FGF12: variants seen among roughly 807,000 people sequenced by gnomAD.
FGF12 encodes fibroblast growth factor 12, also known as fibroblast growth factor 12B.
In FGF12, 14 loss-of-function variants were observed where a neutral mutation model predicts 23.6. The ratio of observed to expected loss-of-function variants is 0.59; its 90% CI spans 0.39 to 0.93. The LOEUF (loss-of-function observed/expected upper bound fraction) is 0.93, where lower values mean the gene tolerates loss of function less well. Among genes scored for constraint, FGF12 ranks in the 40% least tolerant of loss-of-function variants. The probability of loss-of-function intolerance (pLI) is 0.00; values close to 1 mark genes in which losing one functional copy is unlikely to be tolerated. For missense variants in FGF12, 175 were observed against 217.8 expected, an observed-to-expected ratio of 0.80 and a Z score of 1.24; for synonymous variants, 62 against 77.3, an observed-to-expected ratio of 0.80 and a Z score of 1.04.
intron 2 of FGF12, among the ~76,000 whole-genome samples, chr3:192,374,187 A>T (rs147500207): frequency 1.3e-5 from 2 of 152,342 alleles, no homozygotes; most frequent in African/African-American, 4.8e-5. Context: ...GATGCTTCAA[A>T]ATCTTGCACT....
intron 4 of FGF12, among the ~76,000 whole-genome samples, chr3:192,180,699 T>C (rs897838608): frequency 6.6e-6 from 1 of 152,224 alleles, no homozygotes; most frequent in Non-Finnish European, 1.5e-5. Flanking sequence ...CTTTTAAAAC[T>C]TCTGTATCAA....
chr3:192,612,644 T>C (rs1159161777), intron 2 of FGF12, among the ~76,000 whole-genome samples: 1 of 151,898 alleles, frequency 6.6e-6, no homozygotes, highest in East Asian at 1.9e-4. Flanking sequence ...CTACTTCTGA[T>C]ATAAAAATGA....
chr3:192,359,353 G>A lies in FGF12; in HGVS notation c.124+1075C>T, dbSNP rs1023837017. ...AATAGTTCTTAATAATTTAAAAGAC[G>A]TTTCACTACAAAATATCTAGCTTCC... On this transcript the variant is annotated intron_variant, in intron 3 of 5. Coordinates refer to ENST00000445105, the MANE Select transcript of FGF12 (RefSeq NM_004113.6). Among the ~76,000 whole-genome samples, 9 of 152,126 alleles carry A rather than the reference G, an allele frequency of 5.9e-5. No individual in the cohort carries two copies. In the East Asian group the frequency reaches 7.7e-4, roughly 13 times the overall value.
chr3:192,488,212 A>C (rs1310925458), intron 2 of FGF12, among the ~76,000 whole-genome samples: 1 of 152,154 alleles, frequency 6.6e-6, no homozygotes, highest in East Asian at 1.9e-4. Flanking sequence ...GATAAAAGTA[A>C]CTATTGGTTC....
In FGF12 at chr3:192,514,687, C is replaced by T; in HGVS notation, c.14-154149G>A. The T allele has an allele frequency of 2.0e-6, 2 of 985,388 alleles. No homozygotes were observed. The highest frequency in any genetic ancestry group is 4.7e-5 in the South Asian group (1 of 21,282). The allele number at this position is 985,388 out of a possible 1,614,324, so 61.0% of individuals were successfully genotyped here. ...CTCACCACTTGGGCTGTCGCTGGAC[C>T]TCAGGCTCCTTCCACAGAGACACTG... On this transcript the variant is annotated intron_variant, in intron 2 of 5. Coordinates refer to ENST00000445105, the MANE Select transcript of FGF12 (RefSeq NM_004113.6). The surrounding 1 kb of genome is among the most constrained non-coding windows in gnomAD (Gnocchi z 4.9).
chr3:192,587,248 G>A (rs1188867075), intron 2 of FGF12, among the ~76,000 whole-genome samples: 1 of 151,752 alleles, frequency 6.6e-6, no homozygotes, highest in African/African-American at 2.4e-5. Flanking sequence ...TACTCAAAAC[G>A]GTTACCAGTT....
chr3:192,426,344 C>T (rs181127055), intron 2 of FGF12, among the ~76,000 whole-genome samples: 1 of 152,230 alleles, frequency 6.6e-6, no homozygotes, highest in Admixed American at 6.5e-5. Context: ...CAGCAGAGGG[C>T]TAGGGAGTGA....
At chr3:192,570,592 A>G (rs563000979) in intron 2 of FGF12, among the ~76,000 whole-genome samples, 1 of 152,252 alleles carries the variant, frequency 6.6e-6, no homozygotes, top group East Asian at 1.9e-4. Context: ...TGAAACAGAA[A>G]ACATACCAGA....
At chr3:192,620,171 A>G (rs1292489101) in intron 2 of FGF12, among the ~76,000 whole-genome samples, 1 of 152,082 alleles carries the variant, frequency 6.6e-6, no homozygotes. Context: ...GGGGACGTGA[A>G]AATACATTCT....
chr3:192,174,244 C>T (rs75402096), intron 4 of FGF12, among the ~76,000 whole-genome samples: 26 of 152,278 alleles, frequency 1.7e-4, no homozygotes, highest in South Asian at 8.3e-4. Flanking sequence ...AATTCCCTCC[C>T]GGAACAGCAA....
At chr3:192,501,647 G>A (rs565572374) in intron 2 of FGF12, among the ~76,000 whole-genome samples, 3 of 152,248 alleles carry the variant, frequency 2.0e-5, no homozygotes, top group African/African-American at 7.2e-5. Context: ...CTGAGCACAC[G>A]CACACAATGA....
At chr3:192,436,391 T>C (rs748648845) in intron 2 of FGF12, among the ~76,000 whole-genome samples, 2 of 152,192 alleles carry the variant, frequency 1.3e-5, no homozygotes, top group African/African-American at 2.4e-5. Flanking sequence ...GTGGAGGGCT[T>C]AGTAAAACAC....
At chr3:192,372,581 G>A (rs963678915) in intron 2 of FGF12, among the ~76,000 whole-genome samples, 2 of 152,166 alleles carry the variant, frequency 1.3e-5, no homozygotes, top group East Asian at 3.9e-4. Context: ...GTGGGATCCG[G>A]ACATTTGGGG....
chr3:192,455,029 G>A lies in FGF12; in HGVS notation c.14-94491C>T, dbSNP rs574738984. ...TTAAAAAACTCCCCCAATTCTCAAT[G>A]TATTTTCTCTTACTGGTGAGAAATT... On this transcript the variant is annotated intron_variant, in intron 2 of 5. Transcript: ENST00000445105. 2.6e-5 allele frequency among the ~76,000 whole-genome samples: 4 copies of A among 152,210 alleles called. No individual in the cohort carries two copies. The East Asian group carries it at 7.7e-4, about 29-fold the overall frequency.
intron 2 of FGF12, among the ~76,000 whole-genome samples, chr3:192,650,923 T>G (rs1716193224): frequency 6.6e-6 from 1 of 152,228 alleles, no homozygotes; most frequent in African/African-American, 2.4e-5. Flanking sequence ...TGGGTTTCAT[T>G]GACCAACATT....
At chr3:192,448,646 A>G (rs1243834179) in intron 2 of FGF12, among the ~76,000 whole-genome samples, 1 of 152,192 alleles carries the variant, frequency 6.6e-6, no homozygotes, top group East Asian at 1.9e-4. Flanking sequence ...CCTGGAACTG[A>G]TTCCTGGATT....
At chr3:192,339,300 C>T (rs1247711193) in intron 3 of FGF12, among the ~76,000 whole-genome samples, 1 of 152,202 alleles carries the variant, frequency 6.6e-6, no homozygotes, top group South Asian at 2.1e-4. Context: ...TCACAGGAGC[C>T]CTTTGCTACT....
At chr3:192,158,391 C>CTTCTTTCTTTCTTTCTTTTCTT (rs1163929214) in intron 5 of FGF12, among the ~76,000 whole-genome samples, 1 of 77,048 alleles carries the variant, frequency 1.3e-5, no homozygotes, top group Admixed American at 1.3e-4. Flanking sequence ...TCTTTTCTTT[C>CTTCTTTCTTTCTTTCTTTTCTT]TCTCTCTTTC....
intron 2 of FGF12, among the ~76,000 whole-genome samples, chr3:192,480,053 T>TTTC (rs1266622720): frequency 6.6e-6 from 1 of 151,938 alleles, no homozygotes; most frequent in African/African-American, 2.4e-5. Context: ...GAAAAGATAA[T>TTTC]AGCAAAGAGG....
Sources: gnomAD v4.1 joint callset for allele counts (sites outside exome capture counted in the v4.1 genomes callset) on GRCh38, gnomAD v4.1.1 for gene constraint, Gnocchi (gnomAD v3.1) non-coding constraint, MANE v1.5 for transcripts, NCBI Gene and HGNC (gene_info 2026-07-23, HGNC 2026-07-21) for gene names.